Variants in FOXB2 observed in about 807,000 individuals in gnomAD.
The protein encoded by FOXB2 is forkhead box protein B2.
FOXB2 carries 1 observed loss-of-function variant against 0.9 expected under a neutral mutation model. The ratio of observed to expected loss-of-function variants is 1.09; its 90% CI spans 0.39 to 5.18. The LOEUF is 5.18. FOXB2 is among the 30% of genes most tolerant of loss of function. FOXB2 has a pLI of 0.16. For synonymous variants in FOXB2, 322 were observed against 293.5 expected, an observed-to-expected ratio of 1.10 and a Z score of -0.99; for missense variants, 670 against 626.6, an observed-to-expected ratio of 1.07 and a Z score of -0.74.
rs1277482340 is a variant in FOXB2 at position 77,019,976 on chromosome 9, C to T, written c.322C>T (p.Arg108Cys). 6.2e-7 allele frequency: 1 copy of T among 1,612,570 alleles called. No homozygotes were observed. The highest frequency in any genetic ancestry group is 8.5e-7 in the Non-Finnish European group (1 of 1,179,922). ...CGGCAGCTTCCTGCGGCGTCGCAAG[C>T]GCTTCAAGGTGCTGCGCGCCGACCA... ...ENGSFLRRRKRFKVLRADHTH... is the reference protein window; with the variant it reads ...ENGSFLRRRKCFKVLRADHTH... The change falls in exon 1 of 1, where the codon CGC (arginine) becomes TGC (cysteine). Residue 108 changes from arginine (R) to cysteine (C), a missense_variant. Coordinates refer to ENST00000376708, the MANE Select transcript of FOXB2 (RefSeq NM_001013735.1). The surrounding 1 kb of genome is among the most constrained non-coding windows in gnomAD (Gnocchi z 4.4).
chr9:77,019,704 C>T lies in FOXB2; in HGVS notation c.50C>T (p.Ser17Phe), dbSNP rs777109437. Residue 17 changes from serine (S) to phenylalanine (F), a missense_variant, in exon 1 of 1, where the codon TCT becomes TTT. Transcript: ENST00000376708. This position sits in a 1 kb window ranked among gnomAD's most constrained non-coding sequence, Gnocchi z 4.4. Reference protein sequence around the residue: ...SSYSDQKPPYSYISLTAMAIQ... With the variant: ...SSYSDQKPPYFYISLTAMAIQ... ...TACAGCGACCAAAAACCGCCCTACT[C>T]TTACATCTCGCTGACCGCCATGGCA... is the stretch of plus-strand genomic sequence containing the variant. The T allele has an allele frequency of 1.2e-6, 2 of 1,611,860 alleles. No individual in the cohort carries two copies. The highest frequency in any genetic ancestry group is 1.7e-6 in the Non-Finnish European group (2 of 1,178,876).
Position 77,020,644 on chromosome 9 carries a change from A to G in FOXB2, c.990A>G (p.Ala330=), listed in dbSNP as rs773629258. Residue 330 remains alanine, a synonymous_variant, in exon 1 of 1, where the codon GCA becomes GCG. Transcript: ENST00000376708. This position sits in a 1 kb window ranked among gnomAD's most constrained non-coding sequence, Gnocchi z 4.9. The part of the protein sequence containing the change: ...MDSVAAAAAA[A]AAAGVPVGPE... ...CGGTGGCCGCCGCCGCGGCCGCCGC[A>G]GCCGCAGCCGGAGTCCCTGTAGGCC... is the stretch of plus-strand genomic sequence containing the variant. 4.4e-6 allele frequency: 7 copies of G among 1,599,190 alleles called. No individual in the cohort carries two copies. Among genetic ancestry groups the G allele is most frequent in the South Asian group, 3.3e-5 (3 of 89,650 alleles).
chr9:77,020,037 C>G lies in FOXB2; in HGVS notation c.383C>G (p.Pro128Arg). ...CACGCGGGAAGCACCAAGAGCGCGC[C>G]GGGCGCCGGTCCGGGAGGGCACCTT... The part of the protein sequence containing the change: ...HLHAGSTKSA[P>R]GAGPGGHLHP... Residue 128 changes from proline (P) to arginine (R), a missense_variant, in exon 1 of 1, where the codon CCG becomes CGG. Pro to Arg is a moderately radical substitution (Grantham distance 103, BLOSUM62 -2). Coordinates refer to ENST00000376708, the MANE Select transcript of FOXB2 (RefSeq NM_001013735.1). This position sits in a 1 kb window ranked among gnomAD's most constrained non-coding sequence, Gnocchi z 4.9. 6.2e-7 allele frequency: 1 copy of G among 1,608,010 alleles called. No homozygotes were observed.
chr9:77,020,386 C>G lies in FOXB2; in HGVS notation c.732C>G (p.Phe244Leu), dbSNP rs1298611513. Reference protein sequence around the residue: ...AVGSVGRLSQFPPYGLGSAAA... With the variant: ...AVGSVGRLSQLPPYGLGSAAA... ...GCAGCGTGGGACGCCTGTCTCAGTT[C>G]CCACCCTACGGGCTGGGCTCGGCCG... The change falls in exon 1 of 1, where the codon TTC (phenylalanine) becomes TTG (leucine). Residue 244 changes from phenylalanine (F) to leucine (L), a missense_variant. Phe to Leu is a conservative substitution (Grantham distance 22, BLOSUM62 0). Coordinates refer to ENST00000376708, the MANE Select transcript of FOXB2 (RefSeq NM_001013735.1). This position sits in a 1 kb window ranked among gnomAD's most constrained non-coding sequence, Gnocchi z 4.9. 6.5e-7 allele frequency: 1 copy of G among 1,537,832 alleles called. No individual in the cohort carries two copies.
chr9:77,020,707 G>C lies in FOXB2; in HGVS notation c.1053G>C (p.Leu351=). ...YGAFGVPVKS[L]CHSASQSLPA... The stretch of plus-strand genomic sequence containing the variant: ...CCTTCGGGGTCCCGGTCAAGTCCCT[G>C]TGCCACTCGGCAAGCCAGAGCCTGC... Residue 351 remains leucine (L), a synonymous_variant, in exon 1 of 1, where the codon CTG becomes CTC. Coordinates refer to ENST00000376708, the MANE Select transcript of FOXB2 (RefSeq NM_001013735.1). The surrounding 1 kb of genome is among the most constrained non-coding windows in gnomAD (Gnocchi z 4.9). The C allele has an allele frequency of 6.2e-7, 1 of 1,600,026 alleles. No homozygotes were observed. Among genetic ancestry groups the C allele is most frequent in the East Asian group, 2.3e-5 (1 of 44,140 alleles).
chr9:77,020,280 A>G lies in FOXB2; in HGVS notation c.626A>G (p.Gln209Arg). 1.4e-6 allele frequency: 2 copies of G among 1,396,246 alleles called. No homozygotes were observed. The highest frequency in any genetic ancestry group is 2.0e-6 in the Non-Finnish European group (2 of 1,004,372). 86.5% of individuals were successfully genotyped at this position (1,396,246 alleles called of 1,614,324 possible). The change falls in exon 1 of 1, where the codon CAG becomes CGG. Residue 209 changes from glutamine (Q) to arginine (R), a missense_variant. Gln to Arg is a conservative substitution (Grantham distance 43). Coordinates refer to ENST00000376708, the MANE Select transcript of FOXB2 (RefSeq NM_001013735.1). This position sits in a 1 kb window ranked among gnomAD's most constrained non-coding sequence, Gnocchi z 4.9. ...CAACCGCCCCAGCAGTCGCAGCCTC[A>G]GCAGCCGTCTCACCCCGGCAAGATG... ...PQQPPQQSQP[Q>R]QPSHPGKMQE...
Position 77,020,286 on chromosome 9 carries a change from C to G in FOXB2, c.632C>G (p.Pro211Arg), listed in dbSNP as rs1465339926. 5.7e-6 allele frequency: 8 copies of G among 1,411,106 alleles called. No homozygotes were observed. The highest frequency in any genetic ancestry group is 7.8e-6 in the Non-Finnish European group (8 of 1,021,752). The allele number at this position is 1,411,106 out of a possible 1,614,324, so 87.4% of individuals were successfully genotyped here. Residue 211 changes from proline to arginine, a missense_variant, in exon 1 of 1, where the codon CCG becomes CGG. By Grantham distance (103) the Pro-to-Arg change is moderately radical (BLOSUM62 -2). Transcript: ENST00000376708. The surrounding 1 kb of genome is among the most constrained non-coding windows in gnomAD (Gnocchi z 4.9). ...QPPQQSQPQQ[P>R]SHPGKMQEAA... Reference sequence around the variant, plus strand: ...CCCCAGCAGTCGCAGCCTCAGCAGCCGTCTCACCCCGGCAAGATGCAGGAG... The same window carrying G: ...CCCCAGCAGTCGCAGCCTCAGCAGCGGTCTCACCCCGGCAAGATGCAGGAG...
At position 77,020,635 on chromosome 9, in the gene FOXB2, G is replaced by GGCC. The variant is rs777739402; in HGVS notation, c.987_989dup (p.Ala333dup). On this transcript the variant is annotated inframe_insertion, in exon 1 of 1. Transcript: ENST00000376708. The surrounding 1 kb of genome is among the most constrained non-coding windows in gnomAD (Gnocchi z 4.9). ...TCATGGATTCGGTGGCCGCCGCCGCGGCCGCCGCAGCCGCAGCCGGAGTCC... is the reference window on the plus strand; with the variant it reads ...TCATGGATTCGGTGGCCGCCGCCGCGGCCGCCGCCGCAGCCGCAGCCGGAGTCC... The GGCC allele has an allele frequency of 1.3e-6, 2 of 1,592,832 alleles. No homozygotes were observed. The highest frequency in any genetic ancestry group is 2.2e-5 in the South Asian group (2 of 89,142).
In FOXB2 at chr9:77,020,598, C is replaced by G. The variant is rs906714422; in HGVS notation, c.944C>G (p.Pro315Arg). ...GGCAACGTCGTCAGCTCCGTGTGGC[C>G]GCACGTTGGCGTCATGGATTCGGTG... ...QLGNVVSSVW[P>R]HVGVMDSVAA... The change falls in exon 1 of 1, where the codon CCG (proline) becomes CGG (arginine). Residue 315 changes from proline (P) to arginine (R), a missense_variant. Transcript: ENST00000376708. The surrounding 1 kb of genome is among the most constrained non-coding windows in gnomAD (Gnocchi z 4.9). 6.2e-7 allele frequency: 1 copy of G among 1,607,472 alleles called. No individual in the cohort carries two copies. The highest frequency in any genetic ancestry group is 8.5e-7 in the Non-Finnish European group (1 of 1,178,382).
Position 77,020,817 on chromosome 9 carries a change from C to T in FOXB2, c.1163C>T (p.Ser388Leu). 1 of 1,554,794 alleles carries T rather than the reference C, an allele frequency of 6.4e-7. No homozygotes were observed. Among genetic ancestry groups the T allele is most frequent in the Non-Finnish European group, 8.6e-7 (1 of 1,156,624 alleles). The change falls in exon 1 of 1, where the codon TCG becomes TTG. Residue 388 changes from serine (S) to leucine (L), a missense_variant. Physicochemically the swap from Ser to Leu is moderately radical, Grantham distance 145. Coordinates refer to ENST00000376708, the MANE Select transcript of FOXB2 (RefSeq NM_001013735.1). The surrounding 1 kb of genome is among the most constrained non-coding windows in gnomAD (Gnocchi z 4.9). The part of the protein sequence containing the change: ...LQPGLTVPAA[S>L]QQPPAPSTVC... ...CCGGGGCTCACTGTCCCCGCGGCTT[C>T]GCAGCAGCCTCCGGCGCCATCCACC...
In FOXB2 at chr9:77,020,155, G is replaced by C. The variant is rs2063910562; in HGVS notation, c.501G>C (p.Pro167=). The C allele has an allele frequency of 2.2e-6, 3 of 1,341,760 alleles. No individual in the cohort carries two copies. Among genetic ancestry groups the C allele is most frequent in the Non-Finnish European group, 3.1e-6 (3 of 958,860 alleles). The allele number at this position is 1,341,760 out of a possible 1,614,324, so 83.1% of individuals were successfully genotyped here. Residue 167 remains proline (P), a synonymous_variant, in exon 1 of 1, where the codon CCG becomes CCC. Coordinates refer to ENST00000376708, the MANE Select transcript of FOXB2 (RefSeq NM_001013735.1). This position sits in a 1 kb window ranked among gnomAD's most constrained non-coding sequence, Gnocchi z 4.9. ...HHHHHPPQPP[P]PPPPPPPHMV... Reference sequence around the variant, plus strand: ...ACCACCACCCACCCCAGCCGCCGCCGCCGCCGCCCCCGCCGCCGCCGCACA... The same window carrying C: ...ACCACCACCCACCCCAGCCGCCGCCCCCGCCGCCCCCGCCGCCGCCGCACA...
Position 77,019,687 on chromosome 9 carries a change from C to T in FOXB2, c.33C>T (p.Asp11=), listed in dbSNP as rs767462409. MPRPGKSSYS[D]QKPPYSYISL... The stretch of plus-strand genomic sequence containing the variant: ...GGCCGGGGAAGAGCTCGTACAGCGA[C>T]CAAAAACCGCCCTACTCTTACATCT... The change falls in exon 1 of 1, where the codon GAC becomes GAT. Residue 11 remains aspartate, a synonymous_variant. Transcript: ENST00000376708. The surrounding 1 kb of genome is among the most constrained non-coding windows in gnomAD (Gnocchi z 4.4). The T allele has an allele frequency of 3.7e-6, 6 of 1,603,626 alleles. No individual in the cohort carries two copies. In the South Asian group the frequency reaches 6.7e-5, roughly 18 times the overall value.
Position 77,020,425 on chromosome 9 carries a change from C to T in FOXB2, c.771C>T (p.Ala257=). The part of the protein sequence containing the change: ...YGLGSAAAAA[A]AAAASTSGFK... ...TGGGCTCGGCCGCCGCCGCTGCCGC[C>T]GCGGCCGCGGCGTCCACGTCAGGCT... The change falls in exon 1 of 1, where the codon GCC becomes GCT. Residue 257 remains alanine, a synonymous_variant. Transcript: ENST00000376708. The surrounding 1 kb of genome is among the most constrained non-coding windows in gnomAD (Gnocchi z 4.9). 1 of 1,589,706 alleles carries T rather than the reference C, an allele frequency of 6.3e-7. No individual in the cohort carries two copies. The highest frequency in any genetic ancestry group is 8.5e-7 in the Non-Finnish European group (1 of 1,170,206).
rs1372374807 is a variant in FOXB2, at chr9:77,020,920, C to T, written c.1266C>T (p.Gly422=). Residue 422 remains glycine (G), a synonymous_variant, in exon 1 of 1, where the codon GGC becomes GGT. Coordinates refer to ENST00000376708, the MANE Select transcript of FOXB2 (RefSeq NM_001013735.1). The surrounding 1 kb of genome is among the most constrained non-coding windows in gnomAD (Gnocchi z 4.9). The part of the protein sequence containing the change: ...PTAPTSAESK[G]GSLHSVLVHS ...CCCCTACCTCGGCCGAAAGCAAGGG[C>T]GGCTCCTTGCACTCGGTGCTAGTGC... 1.3e-6 allele frequency: 2 copies of T among 1,574,206 alleles called. No homozygotes were observed. The highest frequency in any genetic ancestry group is 2.3e-5 in the East Asian group (1 of 43,738).
Position 77,020,164 on chromosome 9 carries a change from C to T in FOXB2, c.510C>T (p.Pro170=). Residue 170 remains proline, a synonymous_variant, in exon 1 of 1, where the codon CCC becomes CCT. Coordinates refer to ENST00000376708, the MANE Select transcript of FOXB2 (RefSeq NM_001013735.1). This position sits in a 1 kb window ranked among gnomAD's most constrained non-coding sequence, Gnocchi z 4.9. ...HHPPQPPPPP[P]PPPPHMVHYF... Reference sequence around the variant, plus strand: ...CACCCCAGCCGCCGCCGCCGCCGCCCCCGCCGCCGCCGCACATGGTACACT... The same window carrying T: ...CACCCCAGCCGCCGCCGCCGCCGCCTCCGCCGCCGCCGCACATGGTACACT... 1.6e-6 allele frequency: 2 copies of T among 1,236,608 alleles called. No individual in the cohort carries two copies. The highest frequency in any genetic ancestry group is 2.3e-6 in the Non-Finnish European group (2 of 855,462). The allele number at this position is 1,236,608 out of a possible 1,614,324, so 76.6% of individuals were successfully genotyped here.
Position 77,020,283 on chromosome 9 carries a change from A to G in FOXB2, c.629A>G (p.Gln210Arg). 7.1e-7 allele frequency: 1 copy of G among 1,405,180 alleles called. No homozygotes were observed. Among genetic ancestry groups the G allele is most frequent in the Non-Finnish European group, 9.9e-7 (1 of 1,012,308 alleles). The allele number at this position is 1,405,180 out of a possible 1,614,324, so 87.0% of individuals were successfully genotyped here. The change falls in exon 1 of 1, where the codon CAG becomes CGG. Residue 210 changes from glutamine (Q) to arginine (R), a missense_variant. By Grantham distance (43) the Gln-to-Arg change is conservative. Transcript: ENST00000376708. The surrounding 1 kb of genome is among the most constrained non-coding windows in gnomAD (Gnocchi z 4.9). The part of the protein sequence containing the change: ...QQPPQQSQPQ[Q>R]PSHPGKMQEA... ...CCGCCCCAGCAGTCGCAGCCTCAGCAGCCGTCTCACCCCGGCAAGATGCAG... is the reference window on the plus strand; with the variant it reads ...CCGCCCCAGCAGTCGCAGCCTCAGCGGCCGTCTCACCCCGGCAAGATGCAG...
chr9:77,020,672 G>T lies in FOXB2; in HGVS notation c.1018G>T (p.Glu340Ter), dbSNP rs1450452193. The T allele has an allele frequency of 2.1e-5, 33 of 1,604,086 alleles. No homozygotes were observed. Among genetic ancestry groups the T allele is most frequent in the Non-Finnish European group, 2.5e-5 (30 of 1,176,724 alleles). The change falls in exon 1 of 1, where the codon GAG becomes TAG. Residue 340 changes from glutamate (E) to a stop codon, truncating the protein, a stop_gained. Transcript: ENST00000376708. LOFTEE classifies it low-confidence loss of function (END_TRUNC). This position sits in a 1 kb window ranked among gnomAD's most constrained non-coding sequence, Gnocchi z 4.9. ...AAAAGVPVGP[E>*]YGAFGVPVKS... Reference sequence around the variant, plus strand: ...CGCAGCCGGAGTCCCTGTAGGCCCGGAGTATGGGGCCTTCGGGGTCCCGGT... The same window carrying T: ...CGCAGCCGGAGTCCCTGTAGGCCCGTAGTATGGGGCCTTCGGGGTCCCGGT...
At position 77,020,286 on chromosome 9, in the gene FOXB2, C is replaced by A; in HGVS notation, c.632C>A (p.Pro211Gln). ...CCCCAGCAGTCGCAGCCTCAGCAGC[C>A]GTCTCACCCCGGCAAGATGCAGGAG... ...QPPQQSQPQQ[P>Q]SHPGKMQEAA... The change falls in exon 1 of 1, where the codon CCG becomes CAG. Residue 211 changes from proline (P) to glutamine (Q), a missense_variant. Pro to Gln is a moderately conservative substitution (Grantham distance 76). Transcript: ENST00000376708. This position sits in a 1 kb window ranked among gnomAD's most constrained non-coding sequence, Gnocchi z 4.9. 4 of 1,411,104 alleles carry A rather than the reference C, an allele frequency of 2.8e-6. No individual in the cohort carries two copies. The highest frequency in any genetic ancestry group is 3.9e-6 in the Non-Finnish European group (4 of 1,021,750). 87.4% of individuals were successfully genotyped at this position (1,411,104 alleles called of 1,614,324 possible). A position where few individuals can be genotyped will look rare whatever the true frequency, so the allele number is the denominator to read the frequency against.
chr9:77,020,652 C>T lies in FOXB2; in HGVS notation c.998C>T (p.Ala333Val), dbSNP rs767260841. Residue 333 changes from alanine (A) to valine (V), a missense_variant, in exon 1 of 1, where the codon GCC becomes GTC. Coordinates refer to ENST00000376708, the MANE Select transcript of FOXB2 (RefSeq NM_001013735.1). This position sits in a 1 kb window ranked among gnomAD's most constrained non-coding sequence, Gnocchi z 4.9. ...GCCGCCGCGGCCGCCGCAGCCGCAG[C>T]CGGAGTCCCTGTAGGCCCGGAGTAT... ...VAAAAAAAAA[A>V]GVPVGPEYGA... 2 of 1,601,692 alleles carry T rather than the reference C, an allele frequency of 1.2e-6. No individual in the cohort carries two copies. Among genetic ancestry groups the T allele is most frequent in the South Asian group, 2.2e-5 (2 of 89,774 alleles).
Sources: allele counts gnomAD v4.1 joint callset, GRCh38; gene constraint gnomAD v4.1.1; non-coding constraint Gnocchi (gnomAD v3.1); transcripts MANE v1.5; gene names NCBI Gene and HGNC (gene_info 2026-07-23, HGNC 2026-07-21).